Variants in MCC observed in about 807,000 individuals in gnomAD.
MCC encodes colorectal mutant cancer protein.
MCC carries 90 observed loss-of-function variants against 116.2 expected under a neutral mutation model. That is an observed-to-expected ratio of 0.77 (90% CI 0.65 to 0.92). MCC has a LOEUF of 0.92. MCC is among the 40% of genes least tolerant of loss of function. The pLI is 0.00. For synonymous variants in MCC, 578 were observed against 510.5 expected (o/e 1.13, Z -1.78); for missense variants, 1,516 against 1,312.2 (o/e 1.16, Z -2.40).
At chr5:113,425,945 G>A (rs1770470213) in intron 1 of MCC, among the ~76,000 whole-genome samples, 1 of 152,054 alleles carries the variant, frequency 6.6e-6, no homozygotes, top group African/African-American at 2.4e-5. Context: ...ATGGCAATAA[G>A]ACATCATCAA....
At chr5:113,273,395 G>T (rs983842667) in intron 3 of MCC, among the ~76,000 whole-genome samples, 1 of 152,190 alleles carries the variant, frequency 6.6e-6, no homozygotes, top group African/African-American at 2.4e-5. Context: ...TATAAAGCTG[G>T]AAATCAGGGA....
At chr5:113,220,869 C>T (rs774815470) in intron 3 of MCC, among the ~76,000 whole-genome samples, 28 of 152,124 alleles carry the variant, frequency 1.8e-4, no homozygotes, top group Non-Finnish European at 2.9e-4. Flanking sequence ...GTTGAACAGA[C>T]GTGGTGAACA....
At position 113,398,424 on chromosome 5, in the gene MCC, A is replaced by G. The variant is rs192902906; in HGVS notation, c.171-13212T>C. Among the ~76,000 whole-genome samples the G allele has an allele frequency of 5.1e-3, 778 of 152,354 alleles. 8 individuals carry two copies. Among genetic ancestry groups the G allele is most frequent in the African/African-American group, 0.017 (716 of 41,580 alleles). On this transcript the variant is annotated intron_variant, in intron 1 of 18. Coordinates refer to ENST00000408903, the MANE Select transcript of MCC (RefSeq NM_001085377.2). ...CTATTCACAATAGCAAAGACATGGA[A>G]TCAACCTAGGTACTCATCAGTGATG...
intron 1 of MCC, among the ~76,000 whole-genome samples, chr5:113,474,705 G>C (rs1352534660): frequency 1.3e-5 from 2 of 152,174 alleles, no homozygotes; most frequent in Non-Finnish European, 2.9e-5. Flanking sequence ...ATCCTGGTTA[G>C]AGATGAAGTA....
chr5:113,437,961 C>T (rs548257875), intron 1 of MCC, among the ~76,000 whole-genome samples: 1 of 152,130 alleles, frequency 6.6e-6, no homozygotes, highest in Non-Finnish European at 1.5e-5. Flanking sequence ...CTTTGGATAC[C>T]ATCCCATAGG....
intron 1 of MCC, among the ~76,000 whole-genome samples, chr5:113,424,054 G>A (rs1257621814): frequency 1.3e-5 from 2 of 151,420 alleles, no homozygotes; most frequent in African/African-American, 2.4e-5. Context: ...TATTAGGAAG[G>A]GGAGGGAAGA....
intron 3 of MCC, among the ~76,000 whole-genome samples, chr5:113,325,788 C>A (rs928639141): frequency 6.6e-6 from 1 of 152,134 alleles, no homozygotes; most frequent in African/African-American, 2.4e-5. Context: ...AAATTTTAAA[C>A]CCTTGATCCA....
intron 3 of MCC, among the ~76,000 whole-genome samples, chr5:113,241,095 G>C (rs1336030788): frequency 2.0e-5 from 3 of 152,158 alleles, no homozygotes; most frequent in Non-Finnish European, 4.4e-5. Context: ...AATAGCTTTA[G>C]TTTCATAGTA....
chr5:113,091,352 G>A (rs1192835885), intron 8 of MCC, among the ~76,000 whole-genome samples: 1 of 152,116 alleles, frequency 6.6e-6, no homozygotes, highest in African/African-American at 2.4e-5. Flanking sequence ...CCATGACTGG[G>A]AGCCCAGGTC....
chr5:113,037,270 G>C (rs2150211193), intron 17 of MCC, among the ~76,000 whole-genome samples: 1 of 151,624 alleles, frequency 6.6e-6, no homozygotes, highest in East Asian at 1.9e-4. Flanking sequence ...GTTCCTACAA[G>C]TCTGGAAGTT....
At chr5:113,254,866 CT>C (rs1309682352) in intron 3 of MCC, among the ~76,000 whole-genome samples, 3 of 152,212 alleles carry the variant, frequency 2.0e-5, no homozygotes, top group Non-Finnish European at 4.4e-5. Context: ...TCTCCCTTGC[CT>C]GCCTCTAAGA....
intron 3 of MCC, among the ~76,000 whole-genome samples, chr5:113,169,642 C>G (rs1288360262): frequency 6.6e-6 from 1 of 150,762 alleles, no homozygotes; most frequent in Admixed American, 6.6e-5. Context: ...GGGTCACATT[C>G]TGGCCATGGG....
At chr5:113,124,795 G>T (rs756950529) in intron 5 of MCC, among the ~76,000 whole-genome samples, 1 of 152,178 alleles carries the variant, frequency 6.6e-6, no homozygotes, top group African/African-American at 2.4e-5. Flanking sequence ...ATGTATTTGA[G>T]CACCAAAACA....
At chr5:113,290,002 G>A (rs1343847012) in intron 3 of MCC, among the ~76,000 whole-genome samples, 1 of 152,146 alleles carries the variant, frequency 6.6e-6, no homozygotes, top group Non-Finnish European at 1.5e-5. Flanking sequence ...GATCTTTCAG[G>A]CCCCTTCCAA....
chr5:113,264,764 C>T (rs1487761555), intron 3 of MCC, among the ~76,000 whole-genome samples: 2 of 152,132 alleles, frequency 1.3e-5, no homozygotes, highest in African/African-American at 4.8e-5. Context: ...TGCACTGGGC[C>T]AGGCATGGTG....
intron 5 of MCC, among the ~76,000 whole-genome samples, chr5:113,135,589 G>A (rs1758771147): frequency 6.6e-6 from 1 of 150,396 alleles, no homozygotes; most frequent in Non-Finnish European, 1.5e-5. Flanking sequence ...TTATTCTTAG[G>A]TATTTTATAA....
intron 1 of MCC, among the ~76,000 whole-genome samples, chr5:113,447,046 C>T (rs903700128): frequency 1.3e-5 from 2 of 152,164 alleles, no homozygotes; most frequent in Non-Finnish European, 2.9e-5. Flanking sequence ...CCCTTTCTCC[C>T]TGAGGTTTTG....
At chr5:113,405,005 C>T (rs563179071) in intron 1 of MCC, among the ~76,000 whole-genome samples, 112 of 152,354 alleles carry the variant, frequency 7.4e-4, no homozygotes, top group African/African-American at 2.6e-3. Flanking sequence ...CAGAAGCCTA[C>T]TCTGCCACTA....
At chr5:113,206,568 G>A (rs1178430268) in intron 3 of MCC, among the ~76,000 whole-genome samples, 1 of 152,094 alleles carries the variant, frequency 6.6e-6, no homozygotes, top group Non-Finnish European at 1.5e-5. Flanking sequence ...AATTAGCCAG[G>A]CATGGTGGTT....
Sources: gnomAD v4.1 joint callset for allele counts (sites outside exome capture counted in the v4.1 genomes callset) on GRCh38, gnomAD v4.1.1 for gene constraint, MANE v1.5 for transcripts, NCBI Gene and HGNC (gene_info 2026-07-23, HGNC 2026-07-21) for gene names.